COL4A1: variants seen among roughly 807,000 people sequenced by gnomAD.
The protein encoded by COL4A1 is collagen alpha-1(IV) chain.
Under a neutral mutation model 216.6 loss-of-function variants are expected in COL4A1, and 40 were observed. The observed-to-expected ratio is 0.18, with a 90% confidence interval of 0.14 to 0.24. COL4A1 has a LOEUF of 0.24. COL4A1 is among the 10% of genes least tolerant of loss of function. The pLI, the probability that COL4A1 is intolerant of heterozygous loss-of-function variation, is 1.00. For synonymous variants in COL4A1, 839 were observed against 810.7 expected (o/e 1.03, Z -0.59); for missense variants, 1,628 against 2,196.8 (o/e 0.74, Z 5.18).
rs898904947 is a variant in COL4A1, at chr13:110,150,018, G to C, written c.*345C>G. The C allele has an allele frequency of 5.6e-6, 2 of 360,024 alleles. No homozygotes were observed. The highest frequency in any genetic ancestry group is 1.1e-5 in the Non-Finnish European group (2 of 186,526). 22.3% of individuals were successfully genotyped at this position (360,024 alleles called of 1,614,324 possible). A position where few individuals can be genotyped will look rare whatever the true frequency, so the allele number is the denominator to read the frequency against. On this transcript the variant is annotated 3_prime_UTR_variant, in exon 52 of 52. Transcript: ENST00000375820. ...TAATTATAATACAAGAATGAAAATG[G>C]GCAAACAGTATGGAAGGCACCCACA...
At chr13:110,174,877 T>C (rs1042562069) in intron 37 of COL4A1, 128 bp from the exon 38 acceptor site, 39 of 1,011,290 alleles carry the variant, frequency 3.9e-5, no homozygotes, top group Non-Finnish European at 5.6e-5. Context: ...TTTCCAGATT[T>C]CTCATCAAAG....
At position 110,209,304 on chromosome 13, in the gene COL4A1, G is replaced by A. The variant is rs61963269; in HGVS notation, c.651+88C>T. 0.26 allele frequency: 312,854 copies of A among 1,225,964 alleles called. 42,695 individuals are homozygous for A. The highest frequency in any genetic ancestry group is 0.32 in the Admixed American group (15,843 of 49,076). The allele number at this position is 1,225,964 out of a possible 1,614,324, so 75.9% of individuals were successfully genotyped here. On this transcript the variant is annotated intron_variant, in intron 11 of 51. Coordinates refer to ENST00000375820, the MANE Select transcript of COL4A1 (RefSeq NM_001845.6). Reference sequence around the variant, plus strand: ...GTTAATTTTCCAACTTTTTTTTAGAGACTGAAAGAATAAGAAGAGTGAGCT... The same window carrying A: ...GTTAATTTTCCAACTTTTTTTTAGAAACTGAAAGAATAAGAAGAGTGAGCT...
At chr13:110,238,632 C>A (rs1004096476) in intron 2 of COL4A1, among the ~76,000 whole-genome samples, 1 of 152,178 alleles carries the variant, frequency 6.6e-6, no homozygotes, top group Admixed American at 6.5e-5. Flanking sequence ...GGTTTACTCT[C>A]GCCTTGTTAT....
Position 110,176,010 on chromosome 13 carries a change from TTAAGG to T in COL4A1, c.3058+409_3058+413del, listed in dbSNP as rs1301166192. Among the ~76,000 whole-genome samples the T allele has an allele frequency of 7.5e-3, 1,148 of 152,306 alleles. 13 individuals are homozygous for T. Among genetic ancestry groups the T allele is most frequent in the African/African-American group, 0.026 (1,061 of 41,566 alleles). On this transcript the variant is annotated intron_variant, in intron 36 of 51. Coordinates refer to ENST00000375820, the MANE Select transcript of COL4A1 (RefSeq NM_001845.6). ...TACAATAGACACTGATGGCAAAGCATTAAGGCTAGTCCGGGATTGGAGCAGAGGAG... is the reference window on the plus strand; with the variant it reads ...TACAATAGACACTGATGGCAAAGCATCTAGTCCGGGATTGGAGCAGAGGAG...
intron 1 of COL4A1, among the ~76,000 whole-genome samples, chr13:110,252,414 G>A (rs1882113432): frequency 6.8e-6 from 1 of 147,356 alleles, no homozygotes; most frequent in African/African-American, 2.5e-5. Context: ...ATAGTTATAT[G>A]TGTATATGTA....
intron 25 of COL4A1, 131 bp downstream of exon 25, chr13:110,187,007 C>G: frequency 8.1e-7 from 1 of 1,238,474 alleles, no homozygotes; most frequent in Non-Finnish European, 1.2e-6. Flanking sequence ...AACCATGAAT[C>G]ATGAAACAAG....
At chr13:110,200,929 T>G in intron 19 of COL4A1, 40 bp from the exon 20 acceptor site, 1 of 1,608,104 alleles carries the variant, frequency 6.2e-7, no homozygotes, top group Non-Finnish European at 8.5e-7. Flanking sequence ...ACAGAACAGT[T>G]CACCCGTTTG....
In COL4A1 at chr13:110,246,588, A is replaced by G. The variant is rs563711264; in HGVS notation, c.85-3854T>C. On this transcript the variant is annotated intron_variant, in intron 1 of 51. Transcript: ENST00000375820. Reference sequence around the variant, plus strand: ...CATTTCCTGAGGAAATACACCTTGCATCTGGACTCCCAGAAAAATCTAAAG... The same window carrying G: ...CATTTCCTGAGGAAATACACCTTGCGTCTGGACTCCCAGAAAAATCTAAAG... Among the ~76,000 whole-genome samples the G allele has an allele frequency of 4.6e-5, 7 of 152,334 alleles. No individual in the cohort carries two copies. The South Asian group carries it at 1.4e-3, about 32-fold the overall frequency.
intron 19 of COL4A1, among the ~76,000 whole-genome samples, chr13:110,201,180 A>G (rs1879174491): frequency 6.7e-6 from 1 of 148,978 alleles, no homozygotes; most frequent in Non-Finnish European, 1.5e-5. Flanking sequence ...ATATGGAGGA[A>G]CACAGGTCAA....
intron 26 of COL4A1, among the ~76,000 whole-genome samples, chr13:110,183,878 C>T (rs1388687005): frequency 6.6e-6 from 1 of 152,176 alleles, no homozygotes; most frequent in African/African-American, 2.4e-5. Flanking sequence ...AGGAGAGCCA[C>T]CGGAGTGTCA....
At chr13:110,231,861 C>G (rs561168) in intron 2 of COL4A1, among the ~76,000 whole-genome samples, 1 of 152,144 alleles carries the variant, frequency 6.6e-6, no homozygotes, top group Non-Finnish European at 1.5e-5. Context: ...GGATTTCTCA[C>G]CTAGGAGGGC....
intron 2 of COL4A1, among the ~76,000 whole-genome samples, chr13:110,230,091 G>A (rs1880950213): frequency 6.7e-6 from 1 of 150,326 alleles, no homozygotes; most frequent in Admixed American, 6.6e-5. Context: ...GCCCAAAACA[G>A]GTGGACGAGG....
In COL4A1 at chr13:110,252,631, T is replaced by A. The variant is rs1411924164; in HGVS notation, c.85-9897A>T. 1.5e-3 allele frequency among the ~76,000 whole-genome samples: 106 copies of A among 71,652 alleles called. 51 individuals carry two copies. The highest frequency in any genetic ancestry group is 2.9e-3 in the Admixed American group (18 of 6,216). The allele number at this position is 71,652 out of a possible 152,430, so 47.0% of individuals were successfully genotyped here. A position where few individuals can be genotyped will look rare whatever the true frequency, so the allele number is the denominator to read the frequency against. ...ATTATATATGTATAATTGTATATAT[T>A]ATATATACTTATATACAAAATGTAT... On this transcript the variant is annotated intron_variant, in intron 1 of 51. Transcript: ENST00000375820.
rs1437977411 is a variant in COL4A1, at chr13:110,169,564, CAT to C, written c.3876+63_3876+64del. ...CACAAAATACATACACACATAGACA[CAT>C]ATGAATACTTCTGGCCAGAAAAGAC... On this transcript the variant is annotated intron_variant, in intron 43 of 51. Transcript: ENST00000375820. The C allele has an allele frequency of 1.8e-5, 29 of 1,607,494 alleles. No homozygotes were observed. The East Asian group carries it at 6.2e-4, about 35-fold the overall frequency.
intron 1 of COL4A1, among the ~76,000 whole-genome samples, chr13:110,303,982 T>C (rs1566458575): frequency 6.6e-6 from 1 of 152,220 alleles, no homozygotes; most frequent in East Asian, 1.9e-4. Flanking sequence ...AAAGCAGGTA[T>C]AAAATGTAAG....
At chr13:110,154,500 G>A (rs1294678588) in intron 50 of COL4A1, among the ~76,000 whole-genome samples, 1 of 152,242 alleles carries the variant, frequency 6.6e-6, no homozygotes, top group East Asian at 1.9e-4. Flanking sequence ...TCAAGCTCGT[G>A]CATGTTGTAG....
At position 110,216,864 on chromosome 13, in the gene COL4A1, C is replaced by T. The variant is rs781257211; in HGVS notation, c.145-2849G>A. 1.1e-4 allele frequency among the ~76,000 whole-genome samples: 16 copies of T among 152,186 alleles called. No homozygotes were observed. The East Asian group carries it at 1.5e-3, about 15-fold the overall frequency. On this transcript the variant is annotated intron_variant, in intron 2 of 51. Transcript: ENST00000375820. ...TCCGATGCTTAACTGACTTGTCGTA[C>T]GTCACTGGGTGACCCCTCGTGCTGC...
In COL4A1 at chr13:110,206,571, C is replaced by T. The variant is rs147824841; in HGVS notation, c.858+94G>A. On this transcript the variant is annotated intron_variant, in intron 15 of 51. Transcript: ENST00000375820. ...GAAAGGGATAAACTAGAAGTCCCTACGAGCCTTTTCTGTTCTTGTGTTTCT... is the reference window on the plus strand; with the variant it reads ...GAAAGGGATAAACTAGAAGTCCCTATGAGCCTTTTCTGTTCTTGTGTTTCT... 1.5e-3 allele frequency: 2,108 copies of T among 1,390,888 alleles called. 18 individuals carry two copies. In the African/African-American group the frequency reaches 0.023, roughly 15 times the overall value. The allele number at this position is 1,390,888 out of a possible 1,614,324, so 86.2% of individuals were successfully genotyped here. A position where few individuals can be genotyped will look rare whatever the true frequency, so the allele number is the denominator to read the frequency against.
intron 1 of COL4A1, among the ~76,000 whole-genome samples, chr13:110,263,601 G>A (rs1476080780): frequency 1.3e-5 from 2 of 152,106 alleles, no homozygotes; most frequent in Non-Finnish European, 2.9e-5. Flanking sequence ...CCACAGGCGT[G>A]TACCACCATG....
Sources: allele counts gnomAD v4.1 joint callset (sites outside exome capture counted in the v4.1 genomes callset), GRCh38; gene constraint gnomAD v4.1.1; transcripts MANE v1.5; gene names NCBI Gene and HGNC (gene_info 2026-07-23, HGNC 2026-07-21).